TTN: variants seen among roughly 807,000 people sequenced by gnomAD.
The protein encoded by TTN is titin.
Under a neutral mutation model 3,223.0 loss-of-function variants are expected in TTN, and 1,525 were observed. The observed-to-expected ratio is 0.47, with a 90% confidence interval of 0.45 to 0.49. The LOEUF (loss-of-function observed/expected upper bound fraction) is 0.49, where lower values mean the gene tolerates loss of function less well. Among genes scored for constraint, TTN ranks in the 20% least tolerant of loss-of-function variants. The probability of loss-of-function intolerance (pLI) is 0.00; values close to 1 mark genes in which losing one functional copy is unlikely to be tolerated. For missense variants in TTN, 40,786 were observed against 43,424.0 expected (o/e 0.94, Z 5.40); for synonymous variants, 14,094 against 15,161.0 (o/e 0.93, Z 5.17).
chr2:178,626,352 A>G (rs1464987683), intron 240 of TTN, among the ~76,000 whole-genome samples: 3 of 151,986 alleles, frequency 2.0e-5, no homozygotes, highest in Non-Finnish European at 4.4e-5. Flanking sequence ...TCAGATGTCA[A>G]TGGTGCGACA....
chr2:178,666,940 C>T (rs1474897150), intron 162 of TTN, 39 bp from the exon 163 acceptor site: 2 of 1,430,576 alleles, frequency 1.4e-6, no homozygotes, highest in East Asian at 5.1e-5. Context: ...TGAGAAAAGG[C>T]AAAGGCATAA....
At position 178,781,185 on chromosome 2, in the gene TTN, T is replaced by C; in HGVS notation, c.3459A>G (p.Glu1153=). 6.2e-7 allele frequency: 1 copy of C among 1,614,086 alleles called. No individual in the cohort carries two copies. Residue 1153 remains glutamate, a synonymous_variant, in exon 21 of 363, where the codon GAA becomes GAG. Coordinates refer to ENST00000589042, the MANE Select transcript of TTN (RefSeq NM_001267550.2). ...ISMTFADDAG[E]YTIVVRNKHG... ...GCTTATTGCGAACAACAATAGTGTA[T>C]TCTCCAGCATCATCAGCAAAAGTCA...
In TTN at chr2:178,569,164, A is replaced by G. The variant is rs1463300870; in HGVS notation, c.76968T>C (p.His25656=). 1.2e-6 allele frequency: 2 copies of G among 1,613,262 alleles called. No individual in the cohort carries two copies. The highest frequency in any genetic ancestry group is 3.3e-5 in the Admixed American group (2 of 59,962). Residue 25656 remains histidine (H), a synonymous_variant, in exon 326 of 363, where the codon CAT becomes CAC. Transcript: ENST00000589042. The part of the protein sequence containing the change: ...KSYAAVVTNC[H]KNSWKIDQLQ... ...GCTGATCGATTTTCCAAGAATTCTT[A>G]TGGCAGTTAGTTACAACAGCAGCAT...
intron 47 of TTN, among the ~76,000 whole-genome samples, chr2:178,743,432 A>T (rs933633341): frequency 6.6e-6 from 1 of 151,912 alleles, no homozygotes; most frequent in East Asian, 1.9e-4. Flanking sequence ...AAGTAAGCCA[A>T]GGCTTACTTT....
Position 178,770,648 on chromosome 2 carries a change from T to C in TTN, c.8144A>G (p.Asn2715Ser). ...EAVKIKKTLK[N>S]LTVTETQDAV... ...ATCCTGTGTTTCTGTCACTGTGAGG[T>C]TCTTCAGAGTCTTCTTAATTTTGAC... Residue 2715 changes from asparagine (N) to serine (S), a missense_variant, in exon 35 of 363, where the codon AAC becomes AGC. Asn to Ser is a conservative substitution (Grantham distance 46). Coordinates refer to ENST00000589042, the MANE Select transcript of TTN (RefSeq NM_001267550.2). 1 of 1,613,490 alleles carries C rather than the reference T, an allele frequency of 6.2e-7. No individual in the cohort carries two copies. The highest frequency in any genetic ancestry group is 8.5e-7 in the Non-Finnish European group (1 of 1,179,976).
In TTN at chr2:178,767,962, G is replaced by T. The variant is rs373003020; in HGVS notation, c.9306-38C>A. On this transcript the variant is annotated intron_variant, in intron 39 of 362. Transcript: ENST00000589042. The stretch of plus-strand genomic sequence containing the variant: ...TGGAAATTCGAGTTTACCGTATGGT[G>T]ATTCAGAGGAAACTGGGAATTACTG... The T allele has an allele frequency of 2.4e-4, 385 of 1,613,940 alleles. 1 individual carries two copies. Among genetic ancestry groups the T allele is most frequent in the Non-Finnish European group, 3.7e-5 (44 of 1,179,998 alleles).
At chr2:178,701,459 A>G (rs1043118312) in intron 110 of TTN, 69 bp downstream of exon 110, 32 of 1,521,308 alleles carry the variant, frequency 2.1e-5, no homozygotes, top group Non-Finnish European at 2.9e-5. Context: ...CTGGTATAAA[A>G]TTTCGTACAG....
At chr2:178,676,423 T>C (rs1356995296) in intron 147 of TTN, among the ~76,000 whole-genome samples, 1 of 151,904 alleles carries the variant, frequency 6.6e-6, no homozygotes, top group Non-Finnish European at 1.5e-5. Context: ...TTATGCTGAT[T>C]TTAAGCAGCC....
chr2:178,612,512 T>C lies in TTN; in HGVS notation c.50013A>G (p.Lys16671=). The part of the protein sequence containing the change: ...INITKNTADL[K]WTVPEKDGGS... ...CTCCATCTTTCTCAGGAACTGTCCA[T>C]TTTAGGTCTGCTGTATTTTTTGTGA... The change falls in exon 266 of 363, where the codon AAA becomes AAG. Residue 16671 remains lysine (K), a synonymous_variant. Transcript: ENST00000589042. 1.2e-6 allele frequency: 2 copies of C among 1,611,990 alleles called. No homozygotes were observed. Among genetic ancestry groups the C allele is most frequent in the Non-Finnish European group, 1.7e-6 (2 of 1,179,082 alleles).
Position 178,722,451 on chromosome 2 carries a change from C to T in TTN, c.22336G>A (p.Ala7446Thr). ...CTATACCAGCACACTTGGATGGGTG[C>T]AGAGCCATTTAATCGACAAGTGAGT... The part of the protein sequence containing the change: ...VTLTCRLNGS[A>T]PIQVCWYRDG... Residue 7446 changes from alanine to threonine, a missense_variant, in exon 77 of 363, where the codon GCA (alanine) becomes ACA (threonine). Coordinates refer to ENST00000589042, the MANE Select transcript of TTN (RefSeq NM_001267550.2). The T allele has an allele frequency of 6.2e-7, 1 of 1,613,472 alleles. No homozygotes were observed.
At position 178,635,852 on chromosome 2, in the gene TTN, C is replaced by A. The variant is rs534516316; in HGVS notation, c.41608+111G>T. The A allele has an allele frequency of 8.6e-6, 13 of 1,513,230 alleles. No individual in the cohort carries two copies. In the South Asian group the frequency reaches 1.4e-4, roughly 17 times the overall value. 93.7% of individuals were successfully genotyped at this position (1,513,230 alleles called of 1,614,324 possible). A position where few individuals can be genotyped will look rare whatever the true frequency, so the allele number is the denominator to read the frequency against. ...ATCCACTGTAGGATATATTGTTATT[C>A]CCCTCTTAGGTACAAGATTTCTGAT... On this transcript the variant is annotated intron_variant, in intron 226 of 362. Transcript: ENST00000589042.
chr2:178,717,264 G>T lies in TTN; in HGVS notation c.25470C>A (p.Ala8490=). ...CAGGGCGAATCTCTCGGTTATCTTT[G>T]GCCCAAGTGATTTTGATTGGTGCAG... ...TGTAPIKITW[A]KDNREIRPGG... The change falls in exon 88 of 363, where the codon GCC becomes GCA. Residue 8490 remains alanine, a synonymous_variant. Transcript: ENST00000589042. 6.2e-7 allele frequency: 1 copy of T among 1,613,604 alleles called. No individual in the cohort carries two copies. The highest frequency in any genetic ancestry group is 8.5e-7 in the Non-Finnish European group (1 of 1,179,674).
intron 321 of TTN, 37 bp from the exon 322 acceptor site, chr2:178,578,222 A>G (rs1358722606): frequency 6.4e-7 from 1 of 1,561,568 alleles, no homozygotes; most frequent in Non-Finnish European, 8.7e-7. Flanking sequence ...GTATAAATGC[A>G]GCTTGATTTT....
chr2:178,533,982 T>G lies in TTN; in HGVS notation c.102633A>C (p.Val34211=), dbSNP rs2154135560. ...KLDDGTYRCK[V]VNDYGEDSSY... is the part of the protein sequence containing the mutation. ...AACTGTCTTCACCATAGTCATTGAC[T>G]ACTTTGCATCTGTAGGTACCATCAT... Residue 34211 remains valine, a synonymous_variant, in exon 358 of 363, where the codon GTA becomes GTC. Transcript: ENST00000589042. 1 of 1,613,968 alleles carries G rather than the reference T, an allele frequency of 6.2e-7. No individual in the cohort carries two copies. Among genetic ancestry groups the G allele is most frequent in the Non-Finnish European group, 8.5e-7 (1 of 1,179,872 alleles).
In TTN at chr2:178,782,442, C is replaced by T; in HGVS notation, c.3165-15G>A. 1.2e-6 allele frequency: 2 copies of T among 1,614,000 alleles called. No homozygotes were observed. The highest frequency in any genetic ancestry group is 8.5e-7 in the Non-Finnish European group (1 of 1,179,954). ...ACTCAACAAAGCTGGAAAGAGAATT[C>T]CCCTCATATTAGCTTCCGGGTTGCA... On this transcript the variant is annotated splice_polypyrimidine_tract_variant and intron_variant, in intron 19 of 362. Transcript: ENST00000589042.
At chr2:178,769,180 G>A (rs2154342181) in intron 37 of TTN, among the ~76,000 whole-genome samples, 2 of 151,770 alleles carry the variant, frequency 1.3e-5, no homozygotes, top group South Asian at 4.2e-4. Flanking sequence ...TACTCTAACT[G>A]GAACATTTTA....
At position 178,607,212 on chromosome 2, in the gene TTN, G is replaced by A. The variant is rs727503610; in HGVS notation, c.53390C>T (p.Thr17797Ile). The change falls in exon 278 of 363, where the codon ACA (threonine) becomes ATA (isoleucine). Residue 17797 changes from threonine to isoleucine, a missense_variant. Coordinates refer to ENST00000589042, the MANE Select transcript of TTN (RefSeq NM_001267550.2). ...DPEDDGGSEI[T>I]GFIIERKDAK... Reference sequence around the variant, plus strand: ...ATCTTTTCTTTCAATGATAAAGCCTGTTATTTCACTTCCTCCATCATCTTC... The same window carrying A: ...ATCTTTTCTTTCAATGATAAAGCCTATTATTTCACTTCCTCCATCATCTTC... 7 of 1,612,888 alleles carry A rather than the reference G, an allele frequency of 4.3e-6. No homozygotes were observed. The highest frequency in any genetic ancestry group is 5.1e-6 in the Non-Finnish European group (6 of 1,179,330).
In TTN at chr2:178,573,966, G is replaced by T. The variant is rs372662393; in HGVS notation, c.72166C>A (p.Arg24056Ser). ...CTCCATTCCATTGTTGGAGGTGGGC[G>T]GCCTGAAACATCAGCTTCCAGTCTG... is the stretch of plus-strand genomic sequence containing the variant. ...AFRLEADVSGRPPPTMEWSKD... is the reference protein window; with the variant it reads ...AFRLEADVSGSPPPTMEWSKD... The change falls in exon 326 of 363, where the codon CGC (arginine) becomes AGC (serine). Residue 24056 changes from arginine to serine, a missense_variant. Arg to Ser is a moderately radical substitution (Grantham distance 110). Coordinates refer to ENST00000589042, the MANE Select transcript of TTN (RefSeq NM_001267550.2). The T allele has an allele frequency of 6.8e-6, 11 of 1,613,282 alleles. No homozygotes were observed. Among genetic ancestry groups the T allele is most frequent in the Non-Finnish European group, 9.3e-6 (11 of 1,179,592 alleles).
Position 178,631,525 on chromosome 2 carries a change from CATTTT to C in TTN, c.43748-230_43748-226del, listed in dbSNP as rs555967126. Among the ~76,000 whole-genome samples the C allele has an allele frequency of 2.0e-3, 308 of 152,140 alleles. 3 individuals are homozygous for C. The highest frequency in any genetic ancestry group is 4.1e-4 in the South Asian group (2 of 4,828). ...AATCCATTCATATTGAATTTTGAAACATTTTATTAACAGTAGCTAAAAAGACTGAA... is the reference window on the plus strand; with the variant it reads ...AATCCATTCATATTGAATTTTGAAACATTAACAGTAGCTAAAAAGACTGAA... On this transcript the variant is annotated intron_variant, in intron 236 of 362. Transcript: ENST00000589042.
Sources: gnomAD v4.1 joint callset for allele counts (sites outside exome capture counted in the v4.1 genomes callset) on GRCh38, gnomAD v4.1.1 for gene constraint, MANE v1.5 for transcripts, NCBI Gene and HGNC (gene_info 2026-07-23, HGNC 2026-07-21) for gene names.